Variants in PTPN13 observed in about 807,000 individuals in gnomAD.
PTPN13 encodes tyrosine-protein phosphatase non-receptor type 13.
Under a neutral mutation model 284.0 loss-of-function variants are expected in PTPN13, and 191 were observed. The observed-to-expected ratio is 0.67, with a 90% CI of 0.60 to 0.76. PTPN13 has a LOEUF of 0.76. Ranked by LOEUF, PTPN13 falls within the 30% of genes least tolerant of loss-of-function variation. PTPN13 has a pLI of 0.00. For missense variants in PTPN13, 2,797 were observed against 2,939.9 expected (o/e 0.95, Z 1.12); for synonymous variants, 986 against 1,022.3 (o/e 0.96, Z 0.68).
intron 40 of PTPN13, among the ~76,000 whole-genome samples, chr4:86,795,968 A>G (rs1290238542): frequency 1.3e-5 from 2 of 151,098 alleles, no homozygotes; most frequent in East Asian, 3.9e-4. Flanking sequence ...CAGCAAACCA[A>G]CAAGGCACAT....
chr4:86,758,908 G>C (rs760638490), intron 22 of PTPN13, 34 bp from the exon 23 acceptor site: 5 of 1,600,038 alleles, frequency 3.1e-6, no homozygotes, highest in Admixed American at 1.8e-5. Flanking sequence ...ATGTATCTTT[G>C]TTGTTGAAAA....
Position 86,748,747 on chromosome 4 carries a change from C to G in PTPN13, c.2651-1723C>G, listed in dbSNP as rs556583058. Among the ~76,000 whole-genome samples, 4 of 152,232 alleles carry G rather than the reference C, an allele frequency of 2.6e-5. No homozygotes were observed. In the East Asian group the frequency reaches 7.7e-4, roughly 29 times the overall value. On this transcript the variant is annotated intron_variant, in intron 17 of 47. Coordinates refer to ENST00000411767, the MANE Select transcript of PTPN13 (RefSeq NM_080683.3). ...CTCAGCTCACTGCAAGCTCTACCTC[C>G]CGGGTTCACGCCATTCTCCTGCCTC...
intron 10 of PTPN13, among the ~76,000 whole-genome samples, chr4:86,729,510 C>G (rs1482903333): frequency 2.0e-5 from 3 of 149,516 alleles, no homozygotes; most frequent in Non-Finnish European, 4.5e-5. Context: ...TTCACATATT[C>G]CGTGTTTCTT....
chr4:86,808,115 C>T (rs1274174637), intron 45 of PTPN13, among the ~76,000 whole-genome samples: 1 of 152,128 alleles, frequency 6.6e-6, no homozygotes, highest in African/African-American at 2.4e-5. Context: ...CCAGTATGTC[C>T]TCTACTAAAA....
chr4:86,596,573 A>G (rs1008359797), intron 1 of PTPN13, among the ~76,000 whole-genome samples: 1 of 152,230 alleles, frequency 6.6e-6, no homozygotes, highest in Non-Finnish European at 1.5e-5. Context: ...TTTGGAGTAG[A>G]TAATATAAAT....
intron 42 of PTPN13, among the ~76,000 whole-genome samples, chr4:86,802,718 A>G (rs1223619314): frequency 6.6e-6 from 1 of 152,136 alleles, no homozygotes; most frequent in African/African-American, 2.4e-5. Flanking sequence ...ATGGGCTGAA[A>G]TTAGTTCATT....
chr4:86,797,610 G>GA (rs1332353953), intron 41 of PTPN13, among the ~76,000 whole-genome samples: 1 of 151,988 alleles, frequency 6.6e-6, no homozygotes, highest in Admixed American at 6.6e-5. Context: ...TTAACTATTG[G>GA]AAAAAATGAA....
chr4:86,808,495 A>G (rs778693416), intron 45 of PTPN13, among the ~76,000 whole-genome samples: 1 of 152,098 alleles, frequency 6.6e-6, no homozygotes, highest in Non-Finnish European at 1.5e-5. Flanking sequence ...TCCTAGCTAG[A>G]TGTGAGTAAT....
chr4:86,722,301 C>A lies in PTPN13; in HGVS notation c.1475C>A (p.Ala492Asp). 2 of 1,613,558 alleles carry A rather than the reference C, an allele frequency of 1.2e-6. No individual in the cohort carries two copies. Among genetic ancestry groups the A allele is most frequent in the Non-Finnish European group, 1.7e-6 (2 of 1,179,718 alleles). ...RQEEELMQLQ[A>D]KMALRQSRLS... is the part of the protein sequence containing the mutation. ...GAGGAAGAACTGATGCAGCTACAAG[C>A]CAAAATGGCCCTTAGACAGTCTCGG... Residue 492 changes from alanine to aspartate, a missense_variant, in exon 10 of 48, where the codon GCC (alanine) becomes GAC (aspartate). By Grantham distance (126) the Ala-to-Asp change is moderately radical. Transcript: ENST00000411767.
intron 45 of PTPN13, 96 bp downstream of exon 45, chr4:86,807,993 A>G (rs1362554969): frequency 4.5e-6 from 5 of 1,108,168 alleles, no homozygotes; most frequent in Non-Finnish European, 6.4e-6. Flanking sequence ...TTATTTCTAG[A>G]TAAAAGACAG....
rs200512256 is a variant in PTPN13, at chr4:86,714,544, A to G, written c.1196-1986A>G. Among the ~76,000 whole-genome samples the G allele has an allele frequency of 3.1e-3, 466 of 151,734 alleles. 3 individuals are homozygous for G. Among genetic ancestry groups the G allele is most frequent in the African/African-American group, 0.01 (414 of 41,346 alleles). The stretch of plus-strand genomic sequence containing the variant: ...GCACAGACATTCTTCTGTGGGGGGG[A>G]AAATCTATTTTTTTAACCTCTTTTT... On this transcript the variant is annotated intron_variant, in intron 7 of 47. Coordinates refer to ENST00000411767, the MANE Select transcript of PTPN13 (RefSeq NM_080683.3).
intron 28 of PTPN13, 69 bp downstream of exon 28, chr4:86,768,045 A>G (rs955616571): frequency 1.4e-6 from 2 of 1,431,714 alleles, no homozygotes; most frequent in African/African-American, 1.4e-5. Flanking sequence ...TGATTTTTAC[A>G]TGTTGGATTA....
In PTPN13 at chr4:86,809,807, T is replaced by C; in HGVS notation, c.7122T>C (p.Thr2374=). 6.2e-7 allele frequency: 1 copy of C among 1,614,082 alleles called. No individual in the cohort carries two copies. ...GCCATATTTCTCATCTGAATTTCAC[T>C]GCCTGGCCAGACCATGATACACCTT... The part of the protein sequence containing the change: ...EVRHISHLNF[T]AWPDHDTPSQ... The change falls in exon 46 of 48, where the codon ACT becomes ACC. Residue 2374 remains threonine, a synonymous_variant. Coordinates refer to ENST00000411767, the MANE Select transcript of PTPN13 (RefSeq NM_080683.3).
intron 10 of PTPN13, among the ~76,000 whole-genome samples, chr4:86,730,475 C>T (rs1046460283): frequency 6.7e-6 from 1 of 149,772 alleles, no homozygotes; most frequent in African/African-American, 2.4e-5. Context: ...CTTCGAGGTT[C>T]CCAGCCGTTT....
At chr4:86,619,019 G>T (rs1050349964) in intron 1 of PTPN13, among the ~76,000 whole-genome samples, 3 of 152,096 alleles carry the variant, frequency 2.0e-5, no homozygotes, top group Non-Finnish European at 4.4e-5. Context: ...TTTTCAAAGG[G>T]AATGCTTCCA....
intron 1 of PTPN13, among the ~76,000 whole-genome samples, chr4:86,606,947 A>AAG (rs1194987993): frequency 1.3e-5 from 2 of 151,894 alleles, no homozygotes; most frequent in East Asian, 3.8e-4. Flanking sequence ...ACATAGTTCT[A>AAG]AGAAAAATAA....
intron 5 of PTPN13, among the ~76,000 whole-genome samples, chr4:86,691,116 A>G (rs1393677878): frequency 6.6e-6 from 1 of 152,042 alleles, no homozygotes; most frequent in Non-Finnish European, 1.5e-5. Context: ...AGTCCCAGCT[A>G]CTCAGGAGGC....
At chr4:86,792,933 G>A (rs992203341) in intron 40 of PTPN13, among the ~76,000 whole-genome samples, 1 of 152,180 alleles carries the variant, frequency 6.6e-6, no homozygotes, top group Non-Finnish European at 1.5e-5. Context: ...TATCGATGCT[G>A]TGAAGAAACT....
chr4:86,809,906 C>T lies in PTPN13; in HGVS notation c.7221C>T (p.His2407=), dbSNP rs1318050078. The change falls in exon 46 of 48, where the codon CAC becomes CAT. Residue 2407 remains histidine (H), a synonymous_variant. Transcript: ENST00000411767. ...HIHRSGPIIT[H]CSAGIGRSGT... is the part of the protein sequence containing the mutation. ...ACAGATCAGGCCCAATCATTACGCA[C>T]TGCAGTGCTGGCATTGGACGTTCAG... 7 of 1,613,912 alleles carry T rather than the reference C, an allele frequency of 4.3e-6. No individual in the cohort carries two copies. The South Asian group carries it at 4.4e-5, about 10-fold the overall frequency.
Sources: gnomAD v4.1 joint callset for allele counts (sites outside exome capture counted in the v4.1 genomes callset) on GRCh38, gnomAD v4.1.1 for gene constraint, MANE v1.5 for transcripts, NCBI Gene and HGNC (gene_info 2026-07-23, HGNC 2026-07-21) for gene names.